Variants in SLC8A1 observed in about 807,000 individuals in gnomAD.
SLC8A1 encodes sodium/calcium exchanger 1.
SLC8A1 carries 18 observed loss-of-function variants against 68.3 expected under a neutral mutation model. That is an observed-to-expected ratio of 0.26 (90% CI 0.18 to 0.39). The LOEUF (loss-of-function observed/expected upper bound fraction) is 0.39. SLC8A1 is among the 10% of genes least tolerant of loss of function. The pLI is 1.00. For missense variants in SLC8A1, 985 were observed against 1,156.7 expected, an observed-to-expected ratio of 0.85 and a Z score of 2.15; for synonymous variants, 475 against 415.5, an observed-to-expected ratio of 1.14 and a Z score of -1.74.
intron 2 of SLC8A1, among the ~76,000 whole-genome samples, chr2:40,352,584 A>G (rs939285408): frequency 6.6e-6 from 1 of 152,206 alleles, no homozygotes; most frequent in African/African-American, 2.4e-5. Flanking sequence ...TTTGGTCTGT[A>G]AAACTCTGGA....
chr2:40,372,841 T>C (rs1559427096), intron 2 of SLC8A1, among the ~76,000 whole-genome samples: 1 of 152,104 alleles, frequency 6.6e-6, no homozygotes, highest in Non-Finnish European at 1.5e-5. Flanking sequence ...AAAGTCATTA[T>C]CTCTGGCTTT....
chr2:40,237,276 C>T (rs1260865170), intron 2 of SLC8A1, among the ~76,000 whole-genome samples: 4 of 152,166 alleles, frequency 2.6e-5, no homozygotes, highest in African/African-American at 9.6e-5. Context: ...TCACATAGTC[C>T]CATATTTCTT....
At chr2:40,194,181 T>C (rs778301504) in intron 2 of SLC8A1, among the ~76,000 whole-genome samples, 1 of 152,148 alleles carries the variant, frequency 6.6e-6, no homozygotes, top group Non-Finnish European at 1.5e-5. Flanking sequence ...ATTTTATTTT[T>C]ATCAACCGTG....
intron 1 of SLC8A1, among the ~76,000 whole-genome samples, chr2:40,450,188 C>T (rs960079675): frequency 2.0e-5 from 3 of 152,196 alleles, no homozygotes; most frequent in African/African-American, 7.2e-5. Context: ...ACCCAGGGAG[C>T]TCAATCCAAG....
chr2:40,444,887 TA>T (rs1232055697), intron 1 of SLC8A1, among the ~76,000 whole-genome samples: 2 of 152,162 alleles, frequency 1.3e-5, no homozygotes, highest in African/African-American at 2.4e-5. Context: ...TCTGGGCATT[TA>T]AAAAATCAGC....
intron 2 of SLC8A1, among the ~76,000 whole-genome samples, chr2:40,274,397 T>C (rs1197715470): frequency 6.6e-6 from 1 of 152,082 alleles, no homozygotes; most frequent in African/African-American, 2.4e-5. Flanking sequence ...CAATGGAAGT[T>C]GTGCTCTAAA....
intron 2 of SLC8A1, among the ~76,000 whole-genome samples, chr2:40,370,654 C>G (rs1440304361): frequency 6.6e-6 from 1 of 152,006 alleles, no homozygotes; most frequent in Non-Finnish European, 1.5e-5. Context: ...TGACAAATGA[C>G]ACTAATTCAA....
At chr2:40,310,163 C>T (rs906478419) in intron 2 of SLC8A1, among the ~76,000 whole-genome samples, 1 of 152,072 alleles carries the variant, frequency 6.6e-6, no homozygotes, top group African/African-American at 2.4e-5. Flanking sequence ...TTACTGTGTC[C>T]AAGGTAATGA....
chr2:40,178,620 C>A, intron 2 of SLC8A1, 127 bp from the exon 3 acceptor site: 1 of 756,506 alleles, frequency 1.3e-6, no homozygotes, highest in Non-Finnish European at 2.2e-6. Flanking sequence ...AACTTCTGTA[C>A]TGTGAGTTTT....
chr2:40,252,788 A>G (rs1186469231), intron 2 of SLC8A1, among the ~76,000 whole-genome samples: 1 of 150,244 alleles, frequency 6.7e-6, no homozygotes, highest in Non-Finnish European at 1.5e-5. Context: ...GCACATATAT[A>G]TATGTGTGTG....
chr2:40,293,703 C>A (rs79630331), intron 2 of SLC8A1, among the ~76,000 whole-genome samples: 2,059 of 152,200 alleles, frequency 0.014, 40 homozygotes, highest in African/African-American at 0.047. Context: ...CTGGTTACTT[C>A]AAGGCAATTG....
chr2:40,374,834 T>A (rs1420753744), intron 2 of SLC8A1, among the ~76,000 whole-genome samples: 2 of 151,286 alleles, frequency 1.3e-5, no homozygotes, highest in African/African-American at 4.8e-5. Flanking sequence ...AGATGACATA[T>A]GTTTAAGGAC....
At chr2:40,336,972 C>G (rs533465749) in intron 2 of SLC8A1, among the ~76,000 whole-genome samples, 1 of 152,160 alleles carries the variant, frequency 6.6e-6, no homozygotes, top group African/African-American at 2.4e-5. Flanking sequence ...GCATAATGTA[C>G]CAAATTGATA....
At chr2:40,483,543 CAG>C (rs1043033604) in intron 1 of SLC8A1, among the ~76,000 whole-genome samples, 3 of 152,286 alleles carry the variant, frequency 2.0e-5, no homozygotes, top group South Asian at 2.1e-4. Context: ...AAAAAACTAA[CAG>C]AGACTGCTAA....
chr2:40,262,990 A>G (rs1187856399), intron 2 of SLC8A1, among the ~76,000 whole-genome samples: 1 of 152,262 alleles, frequency 6.6e-6, no homozygotes, highest in East Asian at 1.9e-4. Context: ...CTAAGAAGGT[A>G]AAATATTTTA....
chr2:40,200,053 C>T (rs1386836999), intron 2 of SLC8A1, among the ~76,000 whole-genome samples: 2 of 145,638 alleles, frequency 1.4e-5, no homozygotes, highest in Admixed American at 7.2e-5. Context: ...TAGATCTTTC[C>T]AGAGGACTTG....
chr2:40,500,528 A>C (rs937166284), intron 1 of SLC8A1, among the ~76,000 whole-genome samples: 2 of 152,114 alleles, frequency 1.3e-5, no homozygotes, highest in Non-Finnish European at 2.9e-5. Flanking sequence ...CCTGTGGTCC[A>C]TCAATATCTT....
exon 8 of SLC8A1, chr2:40,104,587 A>C (rs1363550375): frequency 6.6e-6 from 1 of 152,180 alleles, no homozygotes; most frequent in Non-Finnish European, 1.5e-5. Flanking sequence ...CCAAAATGGA[A>C]GGTTAATTTA....
At chr2:40,369,450 T>C (rs1677306143) in intron 2 of SLC8A1, among the ~76,000 whole-genome samples, 1 of 152,100 alleles carries the variant, frequency 6.6e-6, no homozygotes. Context: ...ATGCATGAAC[T>C]TCAAGAATTC....
Sources: allele counts gnomAD v4.1 joint callset (sites outside exome capture counted in the v4.1 genomes callset), GRCh38; gene constraint gnomAD v4.1.1; transcripts MANE v1.5; gene names NCBI Gene and HGNC (gene_info 2026-07-23, HGNC 2026-07-21).